Variants in TRIM44 observed in about 807,000 individuals in gnomAD.
TRIM44 encodes tripartite motif-containing protein 44.
Under a neutral mutation model 37.4 loss-of-function variants are expected in TRIM44, and 13 were observed. The ratio of observed to expected loss-of-function variants is 0.35; its 90% CI spans 0.23 to 0.55. The LOEUF (loss-of-function observed/expected upper bound fraction) is 0.55. TRIM44 is among the 20% of genes least tolerant of loss of function. The pLI, the probability that TRIM44 is intolerant of heterozygous loss-of-function variation, is 0.89. For missense variants in TRIM44, 426 were observed against 437.2 expected (o/e 0.97, Z 0.23); for synonymous variants, 175 against 157.2 (o/e 1.11, Z -0.85).
At chr11:35,796,888 T>A (rs1277674874) in intron 4 of TRIM44, among the ~76,000 whole-genome samples, 2 of 152,214 alleles carry the variant, frequency 1.3e-5, no homozygotes, top group Non-Finnish European at 2.9e-5. Context: ...CCATGCCAGG[T>A]CATCTCCCTG....
chr11:35,780,737 T>C (rs755007437), intron 4 of TRIM44, among the ~76,000 whole-genome samples: 1 of 152,066 alleles, frequency 6.6e-6, no homozygotes, highest in Non-Finnish European at 1.5e-5. Flanking sequence ...CCTACACATA[T>C]TAAATACATA....
At chr11:35,681,591 A>G (rs1021601422) in intron 1 of TRIM44, among the ~76,000 whole-genome samples, 1 of 152,206 alleles carries the variant, frequency 6.6e-6, no homozygotes, top group Non-Finnish European at 1.5e-5. Flanking sequence ...GGGGAATCCT[A>G]CTACTTTGCT....
intron 4 of TRIM44, among the ~76,000 whole-genome samples, chr11:35,743,246 G>A (rs1852437230): frequency 6.6e-6 from 1 of 152,124 alleles, no homozygotes; most frequent in Non-Finnish European, 1.5e-5. Context: ...ACTAGAAGGT[G>A]GGTTGAGTCC....
intron 1 of TRIM44, among the ~76,000 whole-genome samples, chr11:35,674,035 G>A (rs1851432123): frequency 1.3e-5 from 2 of 152,076 alleles, no homozygotes; most frequent in African/African-American, 2.4e-5. Context: ...CAGAACCAGG[G>A]GCTAAACTTG....
intron 4 of TRIM44, among the ~76,000 whole-genome samples, chr11:35,763,607 C>G (rs1852756235): frequency 6.6e-6 from 1 of 152,204 alleles, no homozygotes; most frequent in African/African-American, 2.4e-5. Flanking sequence ...CTCTATTCCT[C>G]TGGCTCTAAA....
chr11:35,664,603 G>T (rs1001436016), intron 1 of TRIM44, among the ~76,000 whole-genome samples: 6 of 152,150 alleles, frequency 3.9e-5, no homozygotes, highest in Non-Finnish European at 8.8e-5. Context: ...GATGACTTTT[G>T]CTTCCCTGAA....
chr11:35,741,268 T>C (rs1034530143), intron 4 of TRIM44, among the ~76,000 whole-genome samples: 4 of 152,192 alleles, frequency 2.6e-5, no homozygotes, highest in Admixed American at 6.5e-5. Context: ...GACCTTATTT[T>C]TCCATGCTAA....
intron 1 of TRIM44, among the ~76,000 whole-genome samples, chr11:35,678,822 A>T (rs1228025945): frequency 1.3e-5 from 2 of 151,752 alleles, no homozygotes; most frequent in Non-Finnish European, 2.9e-5. Flanking sequence ...CTGGTCTCAA[A>T]CTCCTGGCCT....
At chr11:35,664,460 C>A (rs1372141481) in intron 1 of TRIM44, among the ~76,000 whole-genome samples, 1 of 152,110 alleles carries the variant, frequency 6.6e-6, no homozygotes, top group African/African-American at 2.4e-5. Flanking sequence ...AGACGATGCA[C>A]CTTTTATTCA....
intron 1 of TRIM44, among the ~76,000 whole-genome samples, chr11:35,683,457 A>G (rs974110973): frequency 4.6e-5 from 7 of 152,190 alleles, no homozygotes; most frequent in Non-Finnish European, 5.9e-5. Flanking sequence ...TAATTTATAT[A>G]GTGGAATCTT....
intron 4 of TRIM44, among the ~76,000 whole-genome samples, chr11:35,789,810 G>A (rs571928695): frequency 1.3e-5 from 2 of 152,268 alleles, no homozygotes; most frequent in Admixed American, 6.5e-5. Flanking sequence ...CCAATGGTGA[G>A]CAAGTGCTTT....
intron 4 of TRIM44, among the ~76,000 whole-genome samples, chr11:35,780,936 T>A (rs901700865): frequency 6.6e-5 from 10 of 152,120 alleles, no homozygotes; most frequent in African/African-American, 2.4e-4. Context: ...TCAGATGAGA[T>A]CCCTTCTGTG....
intron 4 of TRIM44, among the ~76,000 whole-genome samples, chr11:35,794,773 A>T (rs779078312): frequency 3.9e-5 from 6 of 152,220 alleles, no homozygotes; most frequent in Non-Finnish European, 7.3e-5. Flanking sequence ...CACGCTTTAT[A>T]CGATTGTTTT....
chr11:35,773,930 A>T (rs530226691), intron 4 of TRIM44, among the ~76,000 whole-genome samples: 9 of 152,360 alleles, frequency 5.9e-5, no homozygotes, highest in African/African-American at 2.2e-4. Context: ...CACAATAAAC[A>T]TATGCGTGCA....
At chr11:35,691,212 A>G (rs1242996417) in intron 2 of TRIM44, among the ~76,000 whole-genome samples, 1 of 152,240 alleles carries the variant, frequency 6.6e-6, no homozygotes, top group Non-Finnish European at 1.5e-5. Flanking sequence ...TTAGTGAAGG[A>G]CACTAAATGG....
intron 2 of TRIM44, among the ~76,000 whole-genome samples, chr11:35,705,081 T>C (rs1421974116): frequency 6.8e-6 from 1 of 147,448 alleles, no homozygotes; most frequent in African/African-American, 2.5e-5. Context: ...ACCAAGCCAA[T>C]GGAAAACAAA....
intron 4 of TRIM44, among the ~76,000 whole-genome samples, chr11:35,772,513 A>G (rs1177785612): frequency 1.3e-5 from 2 of 152,240 alleles, no homozygotes; most frequent in Non-Finnish European, 1.5e-5. Context: ...GCCCAAGACC[A>G]TGGGAACCCA....
chr11:35,747,908 G>A (rs1286975148), intron 4 of TRIM44, among the ~76,000 whole-genome samples: 1 of 146,844 alleles, frequency 6.8e-6, no homozygotes, highest in Non-Finnish European at 1.5e-5. Flanking sequence ...AAAATGGGGG[G>A]ATAATTGTTG....
Position 35,735,449 on chromosome 11 carries a change from A to G in TRIM44, c.1007+4A>G. The G allele has an allele frequency of 6.2e-7, 1 of 1,613,718 alleles. No homozygotes were observed. Among genetic ancestry groups the G allele is most frequent in the South Asian group, 1.1e-5 (1 of 91,052 alleles). On this transcript the variant is annotated splice_donor_region_variant and intron_variant, in intron 4 of 4. Transcript: ENST00000299413. ...AGGGCGATGAGGAAGGACCCAGGTAAGATCACATTGTTGCTTGTCTTTTCT... is the reference window on the plus strand; with the variant it reads ...AGGGCGATGAGGAAGGACCCAGGTAGGATCACATTGTTGCTTGTCTTTTCT...
Sources: allele counts gnomAD v4.1 joint callset (sites outside exome capture counted in the v4.1 genomes callset), GRCh38; gene constraint gnomAD v4.1.1; transcripts MANE v1.5; gene names NCBI Gene and HGNC (gene_info 2026-07-23, HGNC 2026-07-21).